Variants in PLCL2 observed in about 807,000 individuals in gnomAD.
PLCL2 encodes inactive phospholipase C-like protein 2.
PLCL2 carries 4 observed loss-of-function variants against 79.6 expected under a neutral mutation model. The ratio of observed to expected loss-of-function variants is 0.05; its 90% CI spans 0.02 to 0.11. The LOEUF (loss-of-function observed/expected upper bound fraction) is 0.11, where lower values mean the gene tolerates loss of function less well. PLCL2 is among the 10% of genes least tolerant of loss of function. The pLI is 1.00. For synonymous variants in PLCL2, 484 were observed against 457.7 expected (o/e 1.06, Z -0.73); for missense variants, 895 against 1,291.0 (o/e 0.69, Z 4.70).
chr3:16,940,508 G>A (rs1697653904), intron 1 of PLCL2, among the ~76,000 whole-genome samples: 1 of 152,158 alleles, frequency 6.6e-6, no homozygotes, highest in Non-Finnish European at 1.5e-5. Flanking sequence ...TGGAAGAGGG[G>A]CGTGGGTTGA....
chr3:16,891,999 C>G (rs919868806), intron 1 of PLCL2, among the ~76,000 whole-genome samples: 1 of 152,224 alleles, frequency 6.6e-6, no homozygotes, highest in Non-Finnish European at 1.5e-5. Context: ...GCAACTACAT[C>G]TTTTTCATCC....
intron 4 of PLCL2, among the ~76,000 whole-genome samples, chr3:17,052,279 T>A (rs1006587681): frequency 1.4e-4 from 21 of 149,562 alleles, no homozygotes; most frequent in African/African-American, 5.2e-4. Context: ...GGTCTCAGGT[T>A]ATGGATTTTG....
chr3:16,929,534 G>C (rs1051127223), intron 1 of PLCL2, among the ~76,000 whole-genome samples: 2 of 152,084 alleles, frequency 1.3e-5, no homozygotes, highest in African/African-American at 4.8e-5. Context: ...TAACTTTATT[G>C]AACAGCAGCC....
At chr3:16,919,306 T>C (rs531995074) in intron 1 of PLCL2, among the ~76,000 whole-genome samples, 4 of 152,264 alleles carry the variant, frequency 2.6e-5, no homozygotes, top group African/African-American at 9.6e-5. Flanking sequence ...TCGCCTACAT[T>C]TTCAAATTTA....
chr3:16,973,314 A>G (rs12495362), intron 1 of PLCL2, among the ~76,000 whole-genome samples: 25,833 of 149,044 alleles, frequency 0.17, 2,752 homozygotes, highest in East Asian at 0.54. Context: ...TAGGCCCACA[A>G]TCTCTTCTGG....
At chr3:17,054,929 G>A (rs2064878304) in intron 4 of PLCL2, among the ~76,000 whole-genome samples, 1 of 152,120 alleles carries the variant, frequency 6.6e-6, no homozygotes, top group Non-Finnish European at 1.5e-5. Flanking sequence ...GACCCTCTCT[G>A]CCTCATTTTC....
chr3:16,967,775 C>T (rs954624795), intron 1 of PLCL2, among the ~76,000 whole-genome samples: 2 of 152,058 alleles, frequency 1.3e-5, no homozygotes, highest in Non-Finnish European at 2.9e-5. Context: ...AATTAAGTCC[C>T]ATTTGTCAAT....
intron 1 of PLCL2, among the ~76,000 whole-genome samples, chr3:16,994,245 T>C (rs2064130895): frequency 6.6e-6 from 1 of 152,250 alleles, no homozygotes; most frequent in Non-Finnish European, 1.5e-5. Flanking sequence ...CTGGACCTTC[T>C]GCAGTCCAAA....
intron 4 of PLCL2, among the ~76,000 whole-genome samples, chr3:17,046,304 T>C (rs760788659): frequency 6.6e-6 from 1 of 152,236 alleles, no homozygotes; most frequent in Non-Finnish European, 1.5e-5. Flanking sequence ...AGGGCCAAAG[T>C]CTTTTCCACT....
chr3:16,891,086 T>C (rs1404369310), intron 1 of PLCL2, among the ~76,000 whole-genome samples: 4 of 152,218 alleles, frequency 2.6e-5, no homozygotes, highest in Non-Finnish European at 5.9e-5. Context: ...GGCTGCATCC[T>C]GTGGTCGAGG....
At chr3:17,041,593 A>T (rs1351785729) in intron 3 of PLCL2, among the ~76,000 whole-genome samples, 1 of 152,218 alleles carries the variant, frequency 6.6e-6, no homozygotes, top group Non-Finnish European at 1.5e-5. Context: ...TCCAACCTGC[A>T]TATATTTAGT....
chr3:17,059,493 T>C (rs902006822), intron 4 of PLCL2, among the ~76,000 whole-genome samples: 1 of 151,702 alleles, frequency 6.6e-6, no homozygotes, highest in Non-Finnish European at 1.5e-5. Flanking sequence ...TATGAGTGTA[T>C]ATGTGTGTAT....
At chr3:16,973,657 CTAACT>C (rs1429601992) in intron 1 of PLCL2, among the ~76,000 whole-genome samples, 1 of 152,176 alleles carries the variant, frequency 6.6e-6, no homozygotes, top group Non-Finnish European at 1.5e-5. Context: ...GAGAAGACTG[CTAACT>C]TAAATACCTC....
chr3:17,032,771 T>A (rs11128814), intron 3 of PLCL2, among the ~76,000 whole-genome samples: 32,387 of 152,090 alleles, frequency 0.21, 3,859 homozygotes, highest in East Asian at 0.54. Context: ...TGTTATGCTG[T>A]ATCCAAATGG....
chr3:16,897,924 A>G (rs2124918289), intron 1 of PLCL2, among the ~76,000 whole-genome samples: 1 of 152,202 alleles, frequency 6.6e-6, no homozygotes, highest in African/African-American at 2.4e-5. Flanking sequence ...GTGTGTACTC[A>G]TTTTCTCCTC....
At chr3:16,945,622 A>G (rs1479557605) in intron 1 of PLCL2, among the ~76,000 whole-genome samples, 1 of 152,134 alleles carries the variant, frequency 6.6e-6, no homozygotes, top group Non-Finnish European at 1.5e-5. Context: ...CCCACCCCAG[A>G]CTGCAAAGTC....
chr3:17,038,644 A>G (rs532804036), intron 3 of PLCL2, among the ~76,000 whole-genome samples: 1 of 152,292 alleles, frequency 6.6e-6, no homozygotes, highest in Admixed American at 6.5e-5. Flanking sequence ...AAATAGAGCC[A>G]AGTAATTTAT....
chr3:16,960,976 C>G (rs1335591080), intron 1 of PLCL2, among the ~76,000 whole-genome samples: 1 of 152,148 alleles, frequency 6.6e-6, no homozygotes, highest in African/African-American at 2.4e-5. Flanking sequence ...AGATTTCAAA[C>G]AATCCAATCA....
chr3:16,977,671 GGT>G (rs889537601), intron 1 of PLCL2, among the ~76,000 whole-genome samples: 2 of 152,108 alleles, frequency 1.3e-5, no homozygotes, highest in Non-Finnish European at 2.9e-5. Context: ...ATTTTGTACT[GGT>G]GTTAATGAAG....
Sources: allele counts gnomAD v4.1 joint callset (sites outside exome capture counted in the v4.1 genomes callset), GRCh38; gene constraint gnomAD v4.1.1; transcripts MANE v1.5; gene names NCBI Gene and HGNC (gene_info 2026-07-23, HGNC 2026-07-21).